Variants in ITGAX observed in about 807,000 individuals in gnomAD.
ITGAX encodes integrin subunit alpha X.
A neutral mutation model predicts 140.2 loss-of-function variants in ITGAX; 99 were observed. The ratio of observed to expected loss-of-function variants is 0.71; its 90% CI spans 0.60 to 0.83. The LOEUF (loss-of-function observed/expected upper bound fraction) is 0.83. Ranked by LOEUF, ITGAX falls within the 40% of genes least tolerant of loss-of-function variation. The pLI, the probability that ITGAX is intolerant of heterozygous loss-of-function variation, is 0.00. For missense variants in ITGAX, 1,444 were observed against 1,482.0 expected (o/e 0.97, Z 0.42); for synonymous variants, 631 against 600.4 (o/e 1.05, Z -0.75).
At chr16:31,361,277 C>A in intron 9 of ITGAX, 64 bp downstream of exon 9, 4 of 1,522,520 alleles carry the variant, frequency 2.6e-6, no homozygotes, top group Middle Eastern at 3.5e-4. Context: ...CCACTTAGAA[C>A]CCGAGGCTCC....
intron 17 of ITGAX, 91 bp downstream of exon 17, chr16:31,371,875 T>C (rs755840650): frequency 3.7e-4 from 548 of 1,476,504 alleles, no homozygotes; most frequent in Non-Finnish European, 4.8e-4. Flanking sequence ...GGCCTCCCTG[T>C]GGCTCAGCCC....
At position 31,363,321 on chromosome 16, in the gene ITGAX, G is replaced by A. The variant is rs1313199883; in HGVS notation, c.1657G>A (p.Val553Ile). The change falls in exon 14 of 30, where the codon GTC becomes ATC. Residue 553 changes from valine to isoleucine, a missense_variant. Val to Ile is a conservative substitution (Grantham distance 29). Coordinates refer to ENST00000268296, the MANE Select transcript of ITGAX (RefSeq NM_000887.5). ...AGGAGAGGAGGAGAACCGGGGTGCT[G>A]TCTACCTGTTTCACGGAGTCTTGGG... is the stretch of plus-strand genomic sequence containing the variant. ...APGEEENRGAVYLFHGVLGPS... is the reference protein window; with the variant it reads ...APGEEENRGAIYLFHGVLGPS... The A allele has an allele frequency of 6.2e-7, 1 of 1,613,928 alleles. No homozygotes were observed. Among genetic ancestry groups the A allele is most frequent in the Non-Finnish European group, 8.5e-7 (1 of 1,179,958 alleles).
At chr16:31,361,975 G>A in intron 10 of ITGAX, 66 bp downstream of exon 10, 1 of 1,612,108 alleles carries the variant, frequency 6.2e-7, no homozygotes, top group Non-Finnish European at 8.5e-7. Context: ...GGCCAGGGTG[G>A]GTGTCAGGTG....
intron 20 of ITGAX, among the ~76,000 whole-genome samples, chr16:31,375,301 C>G (rs926028792): frequency 6.6e-6 from 1 of 152,194 alleles, no homozygotes; most frequent in African/African-American, 2.4e-5. Context: ...CAGGCGTAAG[C>G]CACGGAGCCT....
At chr16:31,364,333 T>C (rs1364051884) in intron 14 of ITGAX, among the ~76,000 whole-genome samples, 3 of 139,280 alleles carry the variant, frequency 2.2e-5, no homozygotes, top group Admixed American at 1.6e-4. Flanking sequence ...GAGGCTGAGG[T>C]GGGAGGTCAC....
In ITGAX at chr16:31,371,717, G is replaced by A. The variant is rs202224634; in HGVS notation, c.2093G>A (p.Arg698Gln). The change falls in exon 17 of 30, where the codon CGG becomes CAG. Residue 698 changes from arginine (R) to glutamine (Q), a missense_variant. By Grantham distance (43) the Arg-to-Gln change is conservative (BLOSUM62 1). Coordinates refer to ENST00000268296, the MANE Select transcript of ITGAX (RefSeq NM_000887.5). ...GCCACCTTCCAGGAAACAAAGAACC[G>A]GAGTCTGAGCCGAGTCCGAGTCCTC... ...PRATFQETKN[R>Q]SLSRVRVLGL... 104 of 1,614,116 alleles carry A rather than the reference G, an allele frequency of 6.4e-5. No individual in the cohort carries two copies. Among genetic ancestry groups the A allele is most frequent in the African/African-American group, 2.8e-4 (21 of 75,046 alleles).
At chr16:31,357,866 T>C (rs768357445) in intron 5 of ITGAX, 98 of 296,906 alleles carry the variant, frequency 3.3e-4, no homozygotes, top group Non-Finnish European at 4.7e-4. Flanking sequence ...CATGTGCACA[T>C]GCACACATGT....
chr16:31,361,572 G>A, intron 9 of ITGAX: 1 of 708,372 alleles, frequency 1.4e-6, no homozygotes, highest in Non-Finnish European at 2.5e-6. Context: ...GGGGCACACG[G>A]ACACCTGGCC....
chr16:31,362,476 G>T, intron 11 of ITGAX, 135 bp from the exon 12 acceptor site: 1 of 1,257,576 alleles, frequency 8.0e-7, no homozygotes, highest in Non-Finnish European at 1.1e-6. Context: ...TGGGGAGAGA[G>T]GATGGGGGCT....
At position 31,369,085 on chromosome 16, in the gene ITGAX, C is replaced by T. The variant is rs1310931349; in HGVS notation, c.1711-1999C>T. 2.0e-5 allele frequency among the ~76,000 whole-genome samples: 3 copies of T among 152,372 alleles called. No homozygotes were observed. The East Asian group carries it at 5.8e-4, about 29-fold the overall frequency. On this transcript the variant is annotated intron_variant, in intron 14 of 29. Coordinates refer to ENST00000268296, the MANE Select transcript of ITGAX (RefSeq NM_000887.5). Reference sequence around the variant, plus strand: ...CCCCCCTTTCGATTCCACAAAACCGCCATTGTCATCATGGCCCGTTCTCAA... The same window carrying T: ...CCCCCCTTTCGATTCCACAAAACCGTCATTGTCATCATGGCCCGTTCTCAA...
At position 31,366,378 on chromosome 16, in the gene ITGAX, T is replaced by C. The variant is rs540682494; in HGVS notation, c.1710+3004T>C. ...GTGTGTGTTCTGACTGCTCCACCAC[T>C]GATAGCTCCCCTGTCTCTCTCTCCC... On this transcript the variant is annotated intron_variant, in intron 14 of 29. Coordinates refer to ENST00000268296, the MANE Select transcript of ITGAX (RefSeq NM_000887.5). Among the ~76,000 whole-genome samples the C allele has an allele frequency of 2.0e-5, 3 of 152,346 alleles. No homozygotes were observed. In the South Asian group the frequency reaches 6.2e-4, roughly 32 times the overall value.
chr16:31,371,604 A>C (rs1172243887), intron 16 of ITGAX, 26 bp from the exon 17 acceptor site: 2 of 1,613,248 alleles, frequency 1.2e-6, no homozygotes, highest in Admixed American at 3.3e-5. Flanking sequence ...TTCCTGTCTC[A>C]ACGCCGTCCC....
rs376541940 is a variant in ITGAX at position 31,360,030 on chromosome 16, G to T, written c.672G>T (p.Gly224=). Residue 224 remains glycine (G), a synonymous_variant, in exon 7 of 30, where the codon GGG becomes GGT. Coordinates refer to ENST00000268296, the MANE Select transcript of ITGAX (RefSeq NM_000887.5). ...SLLASVHQLQ[G]FTYTATAIQN... is the part of the protein sequence containing the mutation. ...TGGCTTCTGTTCACCAGCTGCAAGG[G>T]TTTACATACACGGCCACCGCCATCC... is the stretch of plus-strand genomic sequence containing the variant. The T allele has an allele frequency of 1.9e-6, 3 of 1,612,908 alleles. No individual in the cohort carries two copies. Among genetic ancestry groups the T allele is most frequent in the Admixed American group, 1.7e-5 (1 of 60,002 alleles).
At position 31,376,696 on chromosome 16, in the gene ITGAX, G is replaced by A. The variant is rs556489516; in HGVS notation, c.2509-103G>A. Reference sequence around the variant, plus strand: ...GGAAGCTTTATCACTACTTCGTGGCGTGTCTTTGGAATGCTGTTATATTAG... The same window carrying A: ...GGAAGCTTTATCACTACTTCGTGGCATGTCTTTGGAATGCTGTTATATTAG... On this transcript the variant is annotated intron_variant, in intron 20 of 29. Coordinates refer to ENST00000268296, the MANE Select transcript of ITGAX (RefSeq NM_000887.5). 123 of 1,032,562 alleles carry A rather than the reference G, an allele frequency of 1.2e-4. No individual in the cohort carries two copies. The East Asian group carries it at 2.7e-3, about 23-fold the overall frequency. The allele number at this position is 1,032,562 out of a possible 1,614,324, so 64.0% of individuals were successfully genotyped here.
At chr16:31,368,166 GAT>G in intron 14 of ITGAX, among the ~76,000 whole-genome samples, 1 of 139,274 alleles carries the variant, frequency 7.2e-6, no homozygotes, top group Admixed American at 7.4e-5. Context: ...TTTTTTTTCA[GAT>G]GGAATCTATT....
intron 20 of ITGAX, among the ~76,000 whole-genome samples, chr16:31,374,063 C>T (rs147939153): frequency 0.021 from 3,163 of 152,128 alleles, 53 homozygotes; most frequent in Non-Finnish European, 0.034. Context: ...TTGAGGCAGG[C>T]GGATCACCGG....
chr16:31,382,030 C>CT lies in ITGAX; in HGVS notation c.*124dup. The stretch of plus-strand genomic sequence containing the variant: ...AGAGAGGCTGGGATGGGCCTGCTTC[C>CT]TGTCTTTGGGAGAAAACGTCTTGCT... On this transcript the variant is annotated 3_prime_UTR_variant, in exon 30 of 30. Transcript: ENST00000268296. 1 of 1,456,222 alleles carries CT rather than the reference C, an allele frequency of 6.9e-7. No individual in the cohort carries two copies. The highest frequency in any genetic ancestry group is 9.0e-7 in the Non-Finnish European group (1 of 1,108,514). 90.2% of individuals were successfully genotyped at this position (1,456,222 alleles called of 1,614,324 possible).
At chr16:31,356,224 C>T (rs1413684055) in intron 2 of ITGAX, 1 of 505,574 alleles carries the variant, frequency 2.0e-6, no homozygotes, top group African/African-American at 1.9e-5. Context: ...CTGATTTAGT[C>T]CACACGACAG....
Position 31,362,659 on chromosome 16 carries a change from TG to T in ITGAX, c.1270del (p.Ala424ProfsTer22), listed in dbSNP as rs1231341698. ...TGGAAAGGGGTGCAGAGCCTGGTCC[TG>T]GGGGCCCCCCGCTACCAGCACACCG... ...ALWKGVQSLV[L>X]GAPRYQHTGK... is the part of the protein sequence containing the mutation. On this transcript the variant is annotated frameshift_variant, in exon 12 of 30. Coordinates refer to ENST00000268296, the MANE Select transcript of ITGAX (RefSeq NM_000887.5). LOFTEE classifies it high-confidence loss of function. 8 of 1,613,504 alleles carry T rather than the reference TG, an allele frequency of 5.0e-6. No homozygotes were observed. Among genetic ancestry groups the T allele is most frequent in the South Asian group, 2.2e-5 (2 of 91,062 alleles).
Sources: gnomAD v4.1 joint callset for allele counts (sites outside exome capture counted in the v4.1 genomes callset) on GRCh38, gnomAD v4.1.1 for gene constraint, MANE v1.5 for transcripts, NCBI Gene and HGNC (gene_info 2026-07-23, HGNC 2026-07-21) for gene names.